The following ABHD12 variants were observed in gnomAD, a reference collection of about 807,000 sequenced individuals.
ABHD12 encodes lysophosphatidylserine lipase ABHD12.
Under a neutral mutation model 58.3 loss-of-function variants are expected in ABHD12, and 43 were observed. The ratio of observed to expected loss-of-function variants is 0.74; its 90% CI spans 0.58 to 0.95. The LOEUF is 0.95. Among genes scored for constraint, ABHD12 ranks in the 40% least tolerant of loss-of-function variants. The probability of loss-of-function intolerance (pLI) is 0.00; values close to 1 mark genes in which losing one functional copy is unlikely to be tolerated. For synonymous variants in ABHD12, 219 were observed against 211.2 expected (o/e 1.04, Z -0.32); for missense variants, 539 against 537.2 (o/e 1.00, Z -0.03).
chr20:25,373,668 GTTGGT>G (rs1285893244), intron 1 of ABHD12, among the ~76,000 whole-genome samples: 2 of 151,660 alleles, frequency 1.3e-5, no homozygotes, highest in African/African-American at 2.4e-5. Context: ...TTTTCCTCTG[GTTGGT>G]TTGAAGGTTT....
intron 6 of ABHD12, among the ~76,000 whole-genome samples, chr20:25,309,843 C>T (rs1369388200): frequency 6.6e-6 from 1 of 152,220 alleles, no homozygotes; most frequent in Non-Finnish European, 1.5e-5. Context: ...CCAGACATCC[C>T]CTCACAGGGT....
At chr20:25,298,598 G>C (rs759562288), downstream of ABHD12, among the ~76,000 whole-genome samples, 2 of 152,148 alleles carry the variant, frequency 1.3e-5, no homozygotes, top group Non-Finnish European at 2.9e-5. Flanking sequence ...ATCAAATCCA[G>C]CCATTACTAA....
In ABHD12 at chr20:25,320,257, C is replaced by T; in HGVS notation, c.484G>A (p.Asp162Asn). 1 of 1,614,190 alleles carries T rather than the reference C, an allele frequency of 6.2e-7. No individual in the cohort carries two copies. Among genetic ancestry groups the T allele is most frequent in the Non-Finnish European group, 8.5e-7 (1 of 1,180,050 alleles). The change falls in exon 4 of 13, where the codon GAT becomes AAT. Residue 162 changes from aspartate (D) to asparagine (N), a missense_variant. Transcript: ENST00000339157. ...ATAGGGTGGCTGGAAGCCAAGGCAT[C>T]CTCATACCACATCTGGTCTTTGCCT... ...AQGKDQMWYE[D>N]ALASSHPIIL...
chr20:25,308,881 G>A (rs749933091), intron 7 of ABHD12, among the ~76,000 whole-genome samples: 2 of 152,208 alleles, frequency 1.3e-5, no homozygotes, highest in African/African-American at 4.8e-5. Context: ...CCACGCAGAC[G>A]GCCAAAGGGA....
At chr20:25,297,235 G>C (rs1051976829), downstream of ABHD12, 1 of 152,262 alleles carries the variant, frequency 6.6e-6, no homozygotes, top group African/African-American at 2.4e-5. Flanking sequence ...CAGAGGCCTT[G>C]GTCAGGATGA....
intron 1 of ABHD12, among the ~76,000 whole-genome samples, chr20:25,376,603 C>A (rs1408287828): frequency 6.6e-6 from 1 of 152,184 alleles, no homozygotes; most frequent in Non-Finnish European, 1.5e-5. Flanking sequence ...GCCACATAAC[C>A]TTACCTTGCT....
intron 5 of ABHD12, 24 bp downstream of exon 5, chr20:25,317,024 G>C: frequency 6.2e-7 from 1 of 1,610,522 alleles, no homozygotes. Flanking sequence ...CCAGGGAACA[G>C]GTGTGGGTGC....
At chr20:25,350,154 AC>A (rs745334785) in intron 1 of ABHD12, among the ~76,000 whole-genome samples, 1 of 152,216 alleles carries the variant, frequency 6.6e-6, no homozygotes, top group Non-Finnish European at 1.5e-5. Flanking sequence ...CAGTAATCAA[AC>A]CAAAGCAAAA....
intron 4 of ABHD12, among the ~76,000 whole-genome samples, chr20:25,319,473 C>T (rs2089025657): frequency 6.6e-6 from 1 of 152,170 alleles, no homozygotes; most frequent in South Asian, 2.1e-4. Context: ...TGCTTTCAGC[C>T]TCTCCCTCCT....
At chr20:25,312,697 C>G (rs1044935680) in intron 6 of ABHD12, among the ~76,000 whole-genome samples, 234 of 150,086 alleles carry the variant, frequency 1.6e-3, no homozygotes, top group African/African-American at 5.3e-3. Flanking sequence ...AAGTGAGGAG[C>G]GCCTCTTCCC....
intron 1 of ABHD12, among the ~76,000 whole-genome samples, chr20:25,359,954 CTCTTT>C (rs2089722721): frequency 2.0e-5 from 3 of 152,068 alleles, no homozygotes; most frequent in Non-Finnish European, 4.4e-5. Context: ...TATCATTTGT[CTCTTT>C]TATTTAGGAT....
intron 1 of ABHD12, among the ~76,000 whole-genome samples, chr20:25,382,861 C>T (rs2090038142): frequency 6.6e-6 from 1 of 152,150 alleles, no homozygotes; most frequent in African/African-American, 2.4e-5. Flanking sequence ...CACCAAGTCC[C>T]AGTGTGGCCA....
chr20:25,302,655 GCA>G (rs2088658931), intron 11 of ABHD12, among the ~76,000 whole-genome samples: 2 of 152,182 alleles, frequency 1.3e-5, no homozygotes, highest in African/African-American at 2.4e-5. Context: ...GGCAGGGATG[GCA>G]CAGTCTTGGG....
intron 1 of ABHD12, chr20:25,368,497 CTTTAGGATGAAGT>C: frequency 6.5e-7 from 1 of 1,536,438 alleles, no homozygotes; most frequent in African/African-American, 1.4e-5. Flanking sequence ...GACCTGTATG[CTTTAGGATGAAGT>C]TTTCATCACC....
At chr20:25,346,347 G>T (rs2089518389) in intron 1 of ABHD12, among the ~76,000 whole-genome samples, 1 of 152,202 alleles carries the variant, frequency 6.6e-6, no homozygotes, top group African/African-American at 2.4e-5. Flanking sequence ...GAAGAACACA[G>T]ATTTCTAGGG....
At chr20:25,325,183 G>A (rs1362955915) in intron 2 of ABHD12, among the ~76,000 whole-genome samples, 6 of 132,590 alleles carry the variant, frequency 4.5e-5, no homozygotes, top group Non-Finnish European at 3.1e-5. Context: ...TCCAGCCTGA[G>A]TGACAGAGAG....
intron 8 of ABHD12, 38 bp downstream of exon 8, chr20:25,308,419 T>G: frequency 6.2e-7 from 1 of 1,605,160 alleles, no homozygotes; most frequent in Non-Finnish European, 8.5e-7. Context: ...GCACCCTGAA[T>G]GCTCACTGCC....
chr20:25,378,818 T>C (rs2089989686), intron 1 of ABHD12, among the ~76,000 whole-genome samples: 1 of 151,998 alleles, frequency 6.6e-6, no homozygotes, highest in Non-Finnish European at 1.5e-5. Context: ...GTGTCCACGT[T>C]CACCTTTACA....
intron 2 of ABHD12, among the ~76,000 whole-genome samples, chr20:25,331,772 A>G (rs2089280781): frequency 6.6e-6 from 1 of 152,190 alleles, no homozygotes; most frequent in Non-Finnish European, 1.5e-5. Flanking sequence ...TTGTGTCACC[A>G]CCAGGCCTGC....
Sources: gnomAD v4.1 joint callset for allele counts (sites outside exome capture counted in the v4.1 genomes callset) on GRCh38, gnomAD v4.1.1 for gene constraint, MANE v1.5 for transcripts, NCBI Gene and HGNC (gene_info 2026-07-23, HGNC 2026-07-21) for gene names.